Variants in DDX10 observed in about 807,000 individuals in gnomAD.
DDX10 encodes DEAD-box helicase 10.
Under a neutral mutation model 104.3 loss-of-function variants are expected in DDX10, and 74 were observed. The observed-to-expected ratio is 0.71, with a 90% CI of 0.59 to 0.86. The LOEUF is 0.86. Ranked by LOEUF, DDX10 falls within the 40% of genes least tolerant of loss-of-function variation. DDX10 has a pLI of 0.00. For synonymous variants in DDX10, 351 were observed against 353.4 expected, an observed-to-expected ratio of 0.99 and a Z score of 0.08; for missense variants, 952 against 1,040.0, an observed-to-expected ratio of 0.92 and a Z score of 1.16.
At chr11:108,693,711 G>A (rs1450343682) in intron 9 of DDX10, 111 bp downstream of exon 9, 2 of 838,042 alleles carry the variant, frequency 2.4e-6, no homozygotes, top group Non-Finnish European at 4.0e-6. Context: ...TGCTGGTTTG[G>A]CATTTTGTGG....
chr11:108,683,878 G>C lies in DDX10; in HGVS notation c.848+4318G>C, dbSNP rs867503158. 5.9e-5 allele frequency among the ~76,000 whole-genome samples: 9 copies of C among 152,132 alleles called. No individual in the cohort carries two copies. In the East Asian group the frequency reaches 9.7e-4, roughly 16 times the overall value. ...AAGGTTAGCAGTATTTGTTTTTGGT[G>C]GGGGGTGGAGGTTGTGTGTACTAAA... On this transcript the variant is annotated intron_variant, in intron 6 of 17. Transcript: ENST00000322536.
At chr11:108,860,535 C>G (rs1158276468) in intron 16 of DDX10, 1 of 152,006 alleles carries the variant, frequency 6.6e-6, no homozygotes, top group Non-Finnish European at 1.5e-5. Flanking sequence ...GAGGAAGCCA[C>G]TATTTTTTTT....
intron 1 of DDX10, among the ~76,000 whole-genome samples, chr11:108,665,793 G>A (rs555885037): frequency 6.6e-6 from 1 of 152,244 alleles, no homozygotes; most frequent in African/African-American, 2.4e-5. Context: ...AGGTGGTGTG[G>A]AATTGGAAGC....
chr11:108,856,476 C>A (rs548064326), intron 16 of DDX10, among the ~76,000 whole-genome samples: 1 of 150,988 alleles, frequency 6.6e-6, no homozygotes, highest in East Asian at 1.9e-4. Flanking sequence ...AAACAAAAAA[C>A]AAAAAACAAA....
At chr11:108,835,980 G>T (rs1862550422) in intron 13 of DDX10, among the ~76,000 whole-genome samples, 1 of 152,144 alleles carries the variant, frequency 6.6e-6, no homozygotes, top group Non-Finnish European at 1.5e-5. Flanking sequence ...CCAGACCCAG[G>T]TGTTTTCCTT....
chr11:108,673,017 T>G (rs955386153), intron 1 of DDX10, among the ~76,000 whole-genome samples: 3 of 152,354 alleles, frequency 2.0e-5, no homozygotes, highest in African/African-American at 4.8e-5. Flanking sequence ...CAAGAAATAT[T>G]TCTCCAACTA....
At chr11:108,872,820 T>TCTC (rs568368935) in intron 16 of DDX10, among the ~76,000 whole-genome samples, 1 of 145,112 alleles carries the variant, frequency 6.9e-6, no homozygotes, top group Non-Finnish European at 1.5e-5. Flanking sequence ...TAATTTCCGT[T>TCTC]CCCCCCCCCT....
intron 17 of DDX10, among the ~76,000 whole-genome samples, chr11:108,928,487 G>A (rs1689762879): frequency 6.6e-6 from 1 of 152,192 alleles, no homozygotes; most frequent in Admixed American, 6.5e-5. Context: ...TCTACACGCT[G>A]TATTATTATC....
chr11:108,885,221 T>A (rs1863280377), intron 16 of DDX10, among the ~76,000 whole-genome samples: 2 of 152,146 alleles, frequency 1.3e-5, no homozygotes, highest in Non-Finnish European at 2.9e-5. Flanking sequence ...ACTACCAGTT[T>A]TTTCTCAAAC....
intron 15 of DDX10, among the ~76,000 whole-genome samples, chr11:108,842,786 T>A (rs1331830878): frequency 6.6e-6 from 1 of 152,194 alleles, no homozygotes; most frequent in African/African-American, 2.4e-5. Flanking sequence ...ATCAGGAGCT[T>A]GTCATGTTTC....
chr11:108,940,384 T>C lies in DDX10; in HGVS notation c.2589T>C (p.Asp863=). 1 of 1,613,978 alleles carries C rather than the reference T, an allele frequency of 6.2e-7. No homozygotes were observed. Among genetic ancestry groups the C allele is most frequent in the East Asian group, 2.2e-5 (1 of 44,822 alleles). The part of the protein sequence containing the change: ...PLDTGLSLAE[D]EELVLHLLRS... The stretch of plus-strand genomic sequence containing the variant: ...ATACCGGCCTGTCTTTAGCAGAGGA[T>C]GAAGAGCTGGTGTTACATCTGCTAA... Residue 863 remains aspartate, a synonymous_variant, in exon 18 of 18, where the codon GAT becomes GAC. Transcript: ENST00000322536.
At chr11:108,816,100 A>G (rs1021323105) in intron 13 of DDX10, among the ~76,000 whole-genome samples, 2 of 151,014 alleles carry the variant, frequency 1.3e-5, no homozygotes, top group East Asian at 2.0e-4. Context: ...ATGCCATACT[A>G]TTCCTGGATT....
At chr11:108,891,283 T>A (rs1005149081) in intron 16 of DDX10, among the ~76,000 whole-genome samples, 1 of 152,188 alleles carries the variant, frequency 6.6e-6, no homozygotes, top group African/African-American at 2.4e-5. Flanking sequence ...CTGCAGTGGT[T>A]CCTGTGCTCC....
intron 16 of DDX10, among the ~76,000 whole-genome samples, chr11:108,909,155 G>A (rs891444502): frequency 2.6e-5 from 4 of 152,206 alleles, no homozygotes; most frequent in African/African-American, 9.6e-5. Flanking sequence ...CCAAACAGTT[G>A]ATTAGAGGGT....
chr11:108,697,247 CA>C (rs2094261265), intron 9 of DDX10, among the ~76,000 whole-genome samples: 1 of 123,586 alleles, frequency 8.1e-6, no homozygotes, highest in African/African-American at 3.1e-5. Context: ...TTTTTTCTGG[CA>C]GTTTAAAACT....
At chr11:108,910,801 C>CTGTG (rs139983666) in intron 16 of DDX10, among the ~76,000 whole-genome samples, 22 of 92,526 alleles carry the variant, frequency 2.4e-4, no homozygotes, top group African/African-American at 8.4e-4. Context: ...CTGTGTGTGT[C>CTGTG]TGTGTCTGTG....
intron 13 of DDX10, among the ~76,000 whole-genome samples, chr11:108,765,297 G>A (rs755984610): frequency 6.6e-6 from 1 of 152,178 alleles, no homozygotes; most frequent in African/African-American, 2.4e-5. Context: ...TCCCCATTCT[G>A]TCCCTCCCTT....
chr11:108,858,562 T>C (rs967149057), intron 16 of DDX10, among the ~76,000 whole-genome samples: 4 of 152,226 alleles, frequency 2.6e-5, no homozygotes, highest in African/African-American at 9.6e-5. Flanking sequence ...TCCAAGTTCC[T>C]ACTTCCCTTC....
chr11:108,834,943 A>AAT (rs1326273937), intron 13 of DDX10, among the ~76,000 whole-genome samples: 6 of 149,288 alleles, frequency 4.0e-5, no homozygotes, highest in Admixed American at 1.3e-4. Flanking sequence ...AAAAAAAAAA[A>AAT]AAAAAAGAAT....
Sources: gnomAD v4.1 joint callset for allele counts (sites outside exome capture counted in the v4.1 genomes callset) on GRCh38, gnomAD v4.1.1 for gene constraint, MANE v1.5 for transcripts, NCBI Gene and HGNC (gene_info 2026-07-23, HGNC 2026-07-21) for gene names.